Variants in PRPF18 observed in about 807,000 individuals in gnomAD.
PRPF18 encodes pre-mRNA-splicing factor 18.
In PRPF18, 38 loss-of-function variants were observed where a neutral mutation model predicts 46.5. That is an observed-to-expected ratio of 0.82 (90% CI 0.63 to 1.07). PRPF18 has a LOEUF of 1.07. Among genes scored for constraint, PRPF18 ranks in the 50% least tolerant of loss-of-function variants. The probability of loss-of-function intolerance (pLI) is 0.00; values close to 1 mark genes in which losing one functional copy is unlikely to be tolerated. For synonymous variants in PRPF18, 152 were observed against 146.7 expected (o/e 1.04, Z -0.26); for missense variants, 263 against 410.0 (o/e 0.64, Z 3.10).
rs539847909 is a variant in PRPF18 at position 13,628,935 on chromosome 10, A to G, written c.949-1325A>G. On this transcript the variant is annotated intron_variant, in intron 9 of 9. Transcript: ENST00000378572. ...TTGCCCTGGCCTGTTTGCGCACGGT[A>G]TTGAGTATTTGGATAATGACTTAGA... Among the ~76,000 whole-genome samples, 23 of 152,214 alleles carry G rather than the reference A, an allele frequency of 1.5e-4. No individual in the cohort carries two copies. The East Asian group carries it at 2.7e-3, about 18-fold the overall frequency.
At chr10:13,591,583 C>G in intron 1 of PRPF18, 1 of 693,402 alleles carries the variant, frequency 1.4e-6, no homozygotes. Context: ...TCTGATCAAT[C>G]TTGTGCTGCT....
the PRPF18 span, chr10:13,646,515 A>T: frequency 6.6e-6 from 1 of 152,286 alleles, no homozygotes; most frequent in East Asian, 1.9e-4. Flanking sequence ...TGGTTGGCCT[A>T]CGTATGGGTG....
the PRPF18 span, chr10:13,644,695 T>C: frequency 2.6e-5 from 4 of 152,256 alleles, no homozygotes; most frequent in Non-Finnish European, 5.9e-5. Context: ...CTTTTCCCTT[T>C]TGACTTTTCC....
chr10:13,588,855 ACT>A (rs2079916495), intron 1 of PRPF18, among the ~76,000 whole-genome samples: 2 of 152,058 alleles, frequency 1.3e-5, no homozygotes, highest in African/African-American at 4.8e-5. Context: ...ACCCCTTCAC[ACT>A]CTTAAAAGTT....
rs376615291 is a variant in PRPF18, at chr10:13,630,266, A to T, written c.955A>T (p.Lys319Ter). 1 of 1,608,552 alleles carries T rather than the reference A, an allele frequency of 6.2e-7. No homozygotes were observed. The highest frequency in any genetic ancestry group is 1.7e-5 in the Admixed American group (1 of 60,014). The change falls in exon 10 of 10, where the codon AAG becomes TAG. Residue 319 changes from lysine to a stop codon, truncating the protein, a stop_gained. Transcript: ENST00000378572. LOFTEE classifies it high-confidence loss of function. Reference protein sequence around the residue: ...ETQRKYIQGLKRLMTICQKHF... With the variant: ...ETQRKYIQGL ...GTTTTCCTTATTTTCTTAGGGATTG[A>T]AGAGGTTAATGACCATTTGCCAGAA...
the PRPF18 span, among the ~76,000 whole-genome samples, chr10:13,650,896 C>T: frequency 4.6e-5 from 7 of 152,222 alleles, no homozygotes; most frequent in East Asian, 1.9e-4. Context: ...TCCGTGAACT[C>T]GAAAGTGACC....
chr10:13,604,731 T>A (rs1339967577), intron 3 of PRPF18, among the ~76,000 whole-genome samples: 2 of 152,258 alleles, frequency 1.3e-5, no homozygotes, highest in Non-Finnish European at 2.9e-5. Context: ...TTATGGTTAC[T>A]TAAGGTGTGA....
At chr10:13,628,162 T>G (rs550494248) in intron 9 of PRPF18, among the ~76,000 whole-genome samples, 3 of 152,348 alleles carry the variant, frequency 2.0e-5, no homozygotes, top group Non-Finnish European at 4.4e-5. Context: ...GAATGACGTG[T>G]GCAAAAGCCC....
chr10:13,621,230 T>C (rs750846457), intron 9 of PRPF18, among the ~76,000 whole-genome samples: 14 of 152,230 alleles, frequency 9.2e-5, no homozygotes, highest in Non-Finnish European at 1.9e-4. Context: ...GCTACTCTTA[T>C]CCTTCCTCAC....
chr10:13,651,915 G>C, the PRPF18 span: 11 of 1,564,654 alleles, frequency 7.0e-6, no homozygotes, highest in East Asian at 2.0e-4. Context: ...CTATTCATCA[G>C]TACTTTGGTG....
At chr10:13,593,903 T>C (rs1029572777) in intron 1 of PRPF18, among the ~76,000 whole-genome samples, 1 of 152,136 alleles carries the variant, frequency 6.6e-6, no homozygotes, top group Non-Finnish European at 1.5e-5. Flanking sequence ...GAATGGTCAG[T>C]GTAGACAATA....
chr10:13,592,068 A>G, intron 1 of PRPF18: 1 of 581,828 alleles, frequency 1.7e-6, no homozygotes, highest in South Asian at 1.7e-5. Flanking sequence ...AGTTGCAAGA[A>G]CCTTCTTTTT....
chr10:13,612,622 CTTTTTTTTT>C (rs61113168), intron 6 of PRPF18, among the ~76,000 whole-genome samples: 2 of 76,130 alleles, frequency 2.6e-5, no homozygotes, highest in African/African-American at 1.0e-4. Context: ...AGGGTTCTAG[CTTTTTTTTT>C]TTTTTTTTTT....
At chr10:13,623,685 A>ACTGTAGT (rs139322281) in intron 9 of PRPF18, among the ~76,000 whole-genome samples, 2 of 83,712 alleles carry the variant, frequency 2.4e-5, no homozygotes, top group African/African-American at 8.9e-5. Flanking sequence ...AAGAATTGTG[A>ACTGTAGT]TTGTGGTTTG....
chr10:13,646,407 C>G, the PRPF18 span: 2 of 152,554 alleles, frequency 1.3e-5, no homozygotes, highest in Non-Finnish European at 2.9e-5. Context: ...CTTTCTCAAC[C>G]TCCCCTTCCC....
At chr10:13,591,856 AAT>A in intron 1 of PRPF18, 1 of 1,430,014 alleles carries the variant, frequency 7.0e-7, no homozygotes, top group Non-Finnish European at 9.4e-7. Context: ...GCCTCTGTGG[AAT>A]CCAGTGAGGA....
chr10:13,651,927 G>T, the PRPF18 span: 1 of 1,589,998 alleles, frequency 6.3e-7, no homozygotes, highest in East Asian at 2.2e-5. Flanking sequence ...ACTTTGGTGA[G>T]GTGGAGACTC....
At chr10:13,596,931 A>C (rs2080043414) in intron 1 of PRPF18, among the ~76,000 whole-genome samples, 1 of 152,202 alleles carries the variant, frequency 6.6e-6, no homozygotes, top group African/African-American at 2.4e-5. Context: ...GAGTTCACCA[A>C]GACCACCCTA....
the PRPF18 span, among the ~76,000 whole-genome samples, chr10:13,650,041 T>C: frequency 6.6e-6 from 1 of 152,200 alleles, no homozygotes; most frequent in African/African-American, 2.4e-5. Context: ...AAGAATGCCC[T>C]TTCCCAGGGC....
Sources: allele counts gnomAD v4.1 joint callset (sites outside exome capture counted in the v4.1 genomes callset), GRCh38; gene constraint gnomAD v4.1.1; transcripts MANE v1.5; gene names NCBI Gene and HGNC (gene_info 2026-07-23, HGNC 2026-07-21).